The following EXOC2 variants were observed in gnomAD, a reference collection of about 807,000 sequenced individuals.
The protein encoded by EXOC2 is SEC5-like 1.
In EXOC2, 70 loss-of-function variants were observed where a neutral mutation model predicts 131.8. The ratio of observed to expected loss-of-function variants is 0.53; its 90% CI spans 0.44 to 0.65. The LOEUF is 0.65. EXOC2 is among the 30% of genes least tolerant of loss of function. EXOC2 has a pLI of 0.00. For synonymous variants in EXOC2, 411 were observed against 398.4 expected (o/e 1.03, Z -0.38); for missense variants, 923 against 1,108.6 (o/e 0.83, Z 2.38).
intron 25 of EXOC2, among the ~76,000 whole-genome samples, chr6:493,573 A>G (rs1218217597): frequency 6.6e-6 from 1 of 152,208 alleles, no homozygotes; most frequent in Non-Finnish European, 1.5e-5. Context: ...AGAAAACATC[A>G]TGCTAAAAGA....
intron 23 of EXOC2, among the ~76,000 whole-genome samples, chr6:500,434 C>A (rs1280467690): frequency 6.6e-6 from 1 of 152,104 alleles, no homozygotes; most frequent in African/African-American, 2.4e-5. Flanking sequence ...GGACCAAACC[C>A]CAGTTTCGAC....
intron 24 of EXOC2, among the ~76,000 whole-genome samples, chr6:497,744 A>G (rs1763825177): frequency 6.6e-6 from 1 of 152,266 alleles, no homozygotes; most frequent in South Asian, 2.1e-4. Flanking sequence ...TGTTGACAAA[A>G]TAAAAACTGT....
chr6:491,309 G>T, intron 25 of EXOC2, 123 bp from the exon 26 acceptor site: 1 of 884,776 alleles, frequency 1.1e-6, no homozygotes, highest in Non-Finnish European at 1.8e-6. Flanking sequence ...ATACCACCAT[G>T]GTGACCGCCA....
chr6:557,811 A>C (rs993172247), intron 17 of EXOC2, among the ~76,000 whole-genome samples: 4 of 152,026 alleles, frequency 2.6e-5, no homozygotes, highest in Admixed American at 1.3e-4. Flanking sequence ...ACGACAGTGT[A>C]CCCACCCCGC....
At chr6:540,550 C>T (rs1766752104) in intron 22 of EXOC2, among the ~76,000 whole-genome samples, 1 of 151,828 alleles carries the variant, frequency 6.6e-6, no homozygotes, top group Non-Finnish European at 1.5e-5. Flanking sequence ...TAAATTTCAG[C>T]AAGATTAGAC....
intron 22 of EXOC2, among the ~76,000 whole-genome samples, chr6:546,732 C>T (rs1379763833): frequency 6.6e-6 from 1 of 152,196 alleles, no homozygotes; most frequent in Non-Finnish European, 1.5e-5. Context: ...TCTCTTTTCT[C>T]CAGCTTACTA....
At chr6:537,403 C>G (rs1415701037) in intron 22 of EXOC2, among the ~76,000 whole-genome samples, 150 of 76,402 alleles carry the variant, frequency 2.0e-3, no homozygotes, top group Middle Eastern at 0.019. Flanking sequence ...CACTCGAGTT[C>G]ATGACCGACG....
intron 22 of EXOC2, among the ~76,000 whole-genome samples, chr6:541,595 G>A (rs1460316766): frequency 1.5e-5 from 2 of 134,816 alleles, no homozygotes; most frequent in South Asian, 2.3e-4. Context: ...ACAAACAAGC[G>A]ATAGTAAGTA....
At chr6:554,901 C>T (rs977786386) in intron 20 of EXOC2, among the ~76,000 whole-genome samples, 4 of 152,132 alleles carry the variant, frequency 2.6e-5, no homozygotes, top group African/African-American at 9.7e-5. Context: ...GGTGCCTCCC[C>T]CTAACACCAG....
chr6:608,295 T>C (rs1017616199), intron 7 of EXOC2, among the ~76,000 whole-genome samples: 4 of 152,228 alleles, frequency 2.6e-5, no homozygotes, highest in African/African-American at 9.6e-5. Flanking sequence ...GCACGGGGCT[T>C]GACACAACCA....
chr6:512,681 C>A (rs758760522), intron 23 of EXOC2, among the ~76,000 whole-genome samples: 1 of 152,102 alleles, frequency 6.6e-6, no homozygotes, highest in Non-Finnish European at 1.5e-5. Context: ...TTGTTAGCCC[C>A]GTGGTCTGAC....
intron 1 of EXOC2, chr6:655,840 T>G: frequency 3.2e-6 from 1 of 315,496 alleles, no homozygotes; most frequent in East Asian, 5.9e-5. Flanking sequence ...CAACCCTGTT[T>G]TTCCCCCCCG....
chr6:574,322 C>T (rs899699820), intron 12 of EXOC2, among the ~76,000 whole-genome samples: 2 of 152,154 alleles, frequency 1.3e-5, no homozygotes, highest in Admixed American at 1.3e-4. Flanking sequence ...AGGAAGTATG[C>T]CCTCATACTT....
At position 592,669 on chromosome 6, in the gene EXOC2, T is replaced by C; in HGVS notation, c.1074-82A>G. On this transcript the variant is annotated intron_variant, in intron 10 of 27. Coordinates refer to ENST00000230449, the MANE Select transcript of EXOC2 (RefSeq NM_018303.6). ...CATTACTTTTTAAAGGCTAAAATTT[T>C]ATCAATTAGTCTTGTGCCCTGTCAA... 3 of 945,786 alleles carry C rather than the reference T, an allele frequency of 3.2e-6. No homozygotes were observed. The South Asian group carries it at 4.3e-5, about 14-fold the overall frequency. 58.6% of individuals were successfully genotyped at this position (945,786 alleles called of 1,614,324 possible).
intron 22 of EXOC2, 34 bp from the exon 23 acceptor site, chr6:532,644 A>G (rs560063795): frequency 7.1e-7 from 1 of 1,409,468 alleles, no homozygotes; most frequent in South Asian, 1.9e-5. Flanking sequence ...TGAGTTGCCT[A>G]TTTGAGGGTG....
intron 1 of EXOC2, among the ~76,000 whole-genome samples, chr6:667,957 CA>C (rs1489484788): frequency 1.3e-5 from 2 of 152,140 alleles, no homozygotes; most frequent in African/African-American, 4.8e-5. Context: ...AGCCCTAATA[CA>C]CTGGGTTTTT....
At chr6:525,441 T>C (rs1765687584) in intron 23 of EXOC2, 1 of 152,192 alleles carries the variant, frequency 6.6e-6, no homozygotes, top group Non-Finnish European at 1.5e-5. Flanking sequence ...ATGATGGCAA[T>C]AAGTCAGCAA....
intron 22 of EXOC2, among the ~76,000 whole-genome samples, chr6:540,919 T>C (rs1766775967): frequency 6.6e-6 from 1 of 152,170 alleles, no homozygotes; most frequent in South Asian, 2.1e-4. Context: ...CCTTACTACA[T>C]TTTTCTCAGT....
At chr6:514,652 C>T (rs1424694212) in intron 23 of EXOC2, among the ~76,000 whole-genome samples, 1 of 152,216 alleles carries the variant, frequency 6.6e-6, no homozygotes, top group Non-Finnish European at 1.5e-5. Context: ...GACACAGCTG[C>T]TCCAGGGGCT....
Sources: allele counts gnomAD v4.1 joint callset (sites outside exome capture counted in the v4.1 genomes callset), GRCh38; gene constraint gnomAD v4.1.1; transcripts MANE v1.5; gene names NCBI Gene and HGNC (gene_info 2026-07-23, HGNC 2026-07-21).